EXOC6B: variants seen among roughly 807,000 people sequenced by gnomAD.
EXOC6B encodes the protein exocyst complex component 6B, also known as SEC15 homolog B.
In EXOC6B, 54 loss-of-function variants were observed where a neutral mutation model predicts 113.5. The observed-to-expected ratio is 0.48, with a 90% CI of 0.38 to 0.60. EXOC6B has a LOEUF of 0.60. Ranked by LOEUF, EXOC6B falls within the 20% of genes least tolerant of loss-of-function variation. The probability of loss-of-function intolerance (pLI) is 0.00; values close to 1 mark genes in which losing one functional copy is unlikely to be tolerated. For missense variants in EXOC6B, 797 were observed against 977.5 expected, an observed-to-expected ratio of 0.82 and a Z score of 2.46; for synonymous variants, 357 against 339.0, an observed-to-expected ratio of 1.05 and a Z score of -0.58.
chr2:72,584,328 T>G (rs1705414013), intron 6 of EXOC6B, among the ~76,000 whole-genome samples: 2 of 151,390 alleles, frequency 1.3e-5, no homozygotes, highest in Admixed American at 6.6e-5. Flanking sequence ...TAGGCACAAA[T>G]AGAAAACAAA....
intron 8 of EXOC6B, among the ~76,000 whole-genome samples, chr2:72,529,117 T>G (rs1701875314): frequency 6.6e-6 from 1 of 152,190 alleles, no homozygotes; most frequent in Non-Finnish European, 1.5e-5. Flanking sequence ...TACTTTTGCT[T>G]TGCTCCTAAT....
intron 1 of EXOC6B, among the ~76,000 whole-genome samples, chr2:72,808,531 G>A (rs1685704651): frequency 6.6e-6 from 1 of 152,192 alleles, no homozygotes; most frequent in Non-Finnish European, 1.5e-5. Context: ...GGCCAAGGCA[G>A]GAGGATGGCT....
intron 1 of EXOC6B, among the ~76,000 whole-genome samples, chr2:72,821,247 G>A (rs1028651117): frequency 1.3e-5 from 2 of 152,018 alleles, no homozygotes; most frequent in Non-Finnish European, 2.9e-5. Flanking sequence ...CAGCTATTAC[G>A]GGAATGCAAA....
chr2:72,730,356 C>A (rs1246069146), intron 5 of EXOC6B, among the ~76,000 whole-genome samples: 1 of 152,084 alleles, frequency 6.6e-6, no homozygotes, highest in Admixed American at 6.6e-5. Flanking sequence ...AGGCCTCATT[C>A]CACCACAGGT....
intron 1 of EXOC6B, among the ~76,000 whole-genome samples, chr2:72,804,715 C>A (rs966525502): frequency 6.6e-6 from 1 of 152,074 alleles, no homozygotes; most frequent in African/African-American, 2.4e-5. Context: ...CCTGCCTCAG[C>A]CTCCCGAGTA....
chr2:72,694,650 A>G (rs1484340059), intron 6 of EXOC6B, among the ~76,000 whole-genome samples: 1 of 152,152 alleles, frequency 6.6e-6, no homozygotes, highest in African/African-American at 2.4e-5. Context: ...TTTGAAGGGG[A>G]AGGAAAATAA....
intron 6 of EXOC6B, among the ~76,000 whole-genome samples, chr2:72,670,554 C>T (rs151127897): frequency 0.017 from 2,572 of 152,182 alleles, 70 homozygotes; most frequent in African/African-American, 0.057. Flanking sequence ...TTGATCATGC[C>T]CCTCTGCTAT....
intron 6 of EXOC6B, among the ~76,000 whole-genome samples, chr2:72,595,314 T>A (rs1404310480): frequency 1.4e-5 from 2 of 147,210 alleles, no homozygotes; most frequent in African/African-American, 2.5e-5. Flanking sequence ...TATATGACAA[T>A]TAATAAGCAT....
chr2:72,213,697 G>A (rs1284848700), intron 20 of EXOC6B, among the ~76,000 whole-genome samples: 1 of 152,062 alleles, frequency 6.6e-6, no homozygotes, highest in East Asian at 1.9e-4. Context: ...TAGGACATGG[G>A]ACCTTTGAGA....
chr2:72,475,179 G>A (rs1389624469), intron 17 of EXOC6B, among the ~76,000 whole-genome samples: 2 of 152,136 alleles, frequency 1.3e-5, no homozygotes, highest in African/African-American at 4.8e-5. Flanking sequence ...AGGGTGGTCT[G>A]GCACCATTGT....
intron 20 of EXOC6B, among the ~76,000 whole-genome samples, chr2:72,226,091 T>C (rs1681220325): frequency 1.3e-5 from 2 of 151,996 alleles, no homozygotes. Flanking sequence ...AGAAAGAGAA[T>C]GTAAAACAAC....
intron 6 of EXOC6B, among the ~76,000 whole-genome samples, chr2:72,714,032 C>T (rs1294137787): frequency 3.3e-5 from 5 of 152,208 alleles, no homozygotes; most frequent in African/African-American, 1.2e-4. Context: ...TACTCTCTTT[C>T]CCCTTCTGTG....
chr2:72,424,990 A>G (rs1271055940), intron 18 of EXOC6B, among the ~76,000 whole-genome samples: 1 of 151,882 alleles, frequency 6.6e-6, no homozygotes. Flanking sequence ...CCCTTCTCCT[A>G]TCCTCCTCCC....
intron 6 of EXOC6B, among the ~76,000 whole-genome samples, chr2:72,612,021 G>A (rs958192651): frequency 2.6e-5 from 4 of 151,998 alleles, no homozygotes; most frequent in African/African-American, 7.2e-5. Flanking sequence ...GGTGGCCCAC[G>A]CCTGTAATCC....
chr2:72,562,069 T>C (rs1266379194), intron 7 of EXOC6B, among the ~76,000 whole-genome samples: 1 of 152,140 alleles, frequency 6.6e-6, no homozygotes, highest in East Asian at 1.9e-4. Flanking sequence ...TGAAGAACAC[T>C]AGGAATGAAC....
intron 1 of EXOC6B, among the ~76,000 whole-genome samples, chr2:72,808,004 C>G (rs1455453603): frequency 1.3e-5 from 2 of 152,102 alleles, no homozygotes; most frequent in African/African-American, 4.8e-5. Context: ...GGGATGGATA[C>G]CCCATTTTCC....
At chr2:72,764,378 T>C (rs1165454394) in intron 1 of EXOC6B, among the ~76,000 whole-genome samples, 2 of 136,858 alleles carry the variant, frequency 1.5e-5, no homozygotes, top group Non-Finnish European at 3.2e-5. Context: ...TTTTTTTTTT[T>C]TTTTTTTTTT....
At chr2:72,727,717 T>C (rs1000541083) in intron 5 of EXOC6B, among the ~76,000 whole-genome samples, 4 of 152,166 alleles carry the variant, frequency 2.6e-5, no homozygotes, top group Non-Finnish European at 5.9e-5. Context: ...GACACCGTTA[T>C]TTATACTGAA....
At chr2:72,618,138 G>C (rs939686257) in intron 6 of EXOC6B, among the ~76,000 whole-genome samples, 7 of 152,082 alleles carry the variant, frequency 4.6e-5, no homozygotes, top group Non-Finnish European at 7.4e-5. Flanking sequence ...GGAGATAGAG[G>C]GGGGTGGATC....
Sources: allele counts gnomAD v4.1 joint callset (sites outside exome capture counted in the v4.1 genomes callset), GRCh38; gene constraint gnomAD v4.1.1; transcripts MANE v1.5; gene names NCBI Gene and HGNC (gene_info 2026-07-23, HGNC 2026-07-21).